AGBL1: variants seen among roughly 807,000 people sequenced by gnomAD.
The protein encoded by AGBL1 is AGBL carboxypeptidase 1.
In AGBL1, 130 loss-of-function variants were observed where a neutral mutation model predicts 118.9. That is an observed-to-expected ratio of 1.09 (90% confidence interval 0.95 to 1.26). The LOEUF is 1.26. AGBL1 is among the 50% of genes most tolerant of loss of function. The probability of loss-of-function intolerance (pLI) is 0.00; values close to 1 mark genes in which losing one functional copy is unlikely to be tolerated. For synonymous variants in AGBL1, 555 were observed against 478.9 expected, an observed-to-expected ratio of 1.16 and a Z score of -2.08; for missense variants, 1,584 against 1,298.1, an observed-to-expected ratio of 1.22 and a Z score of -3.38.
chr15:86,996,060 T>C (rs778516909), intron 24 of AGBL1, among the ~76,000 whole-genome samples: 7 of 152,166 alleles, frequency 4.6e-5, no homozygotes, highest in Non-Finnish European at 7.4e-5. Context: ...CAGCTTTGCA[T>C]TTTTTACAAA....
chr15:86,643,370 G>A (rs1014473646), intron 21 of AGBL1, among the ~76,000 whole-genome samples: 5 of 151,894 alleles, frequency 3.3e-5, no homozygotes, highest in African/African-American at 1.2e-4. Flanking sequence ...TAAAATGTTT[G>A]CCAACATTCT....
At chr15:86,288,355 C>T (rs1464096804) in intron 16 of AGBL1, among the ~76,000 whole-genome samples, 3 of 152,060 alleles carry the variant, frequency 2.0e-5, no homozygotes, top group Admixed American at 2.0e-4. Flanking sequence ...GAGACATTTC[C>T]ATTCTTCTTC....
chr15:86,666,508 G>A (rs181063928), intron 21 of AGBL1, among the ~76,000 whole-genome samples: 186 of 152,080 alleles, frequency 1.2e-3, no homozygotes, highest in African/African-American at 4.3e-3. Flanking sequence ...TAATATGTAT[G>A]ACTCATTTTT....
At chr15:86,387,753 C>T (rs761965902) in intron 17 of AGBL1, among the ~76,000 whole-genome samples, 19 of 152,200 alleles carry the variant, frequency 1.2e-4, no homozygotes, top group Non-Finnish European at 2.5e-4. Context: ...TCCCTGCTGT[C>T]CCCAAGAATC....
At chr15:86,771,876 G>A (rs1427987489) in intron 22 of AGBL1, among the ~76,000 whole-genome samples, 1 of 152,004 alleles carries the variant, frequency 6.6e-6, no homozygotes, top group Non-Finnish European at 1.5e-5. Context: ...TGCTGGATGG[G>A]GAAGTTGCCA....
chr15:86,894,360 G>A (rs1596602692), intron 22 of AGBL1, among the ~76,000 whole-genome samples: 1 of 152,282 alleles, frequency 6.6e-6, no homozygotes, highest in Non-Finnish European at 1.5e-5. Context: ...TATTGCTGAA[G>A]TTATTGTAAC....
At chr15:86,810,247 T>C (rs962352189) in intron 22 of AGBL1, among the ~76,000 whole-genome samples, 2 of 152,142 alleles carry the variant, frequency 1.3e-5, no homozygotes, top group South Asian at 2.1e-4. Context: ...TATAACCTTC[T>C]TGGGGGTTTG....
At chr15:87,016,595 A>AAAAG (rs1434695758) in intron 24 of AGBL1, among the ~76,000 whole-genome samples, 1 of 152,214 alleles carries the variant, frequency 6.6e-6, no homozygotes, top group East Asian at 1.9e-4. Flanking sequence ...TCATGGAGAG[A>AAAAG]AAAGAAAATG....
At chr15:86,561,956 G>T (rs1233710425) in intron 21 of AGBL1, among the ~76,000 whole-genome samples, 1 of 152,068 alleles carries the variant, frequency 6.6e-6, no homozygotes, top group Non-Finnish European at 1.5e-5. Context: ...CTCTCTGTTT[G>T]TCTGTTATTG....
intron 5 of AGBL1, among the ~76,000 whole-genome samples, chr15:86,220,272 G>A (rs2078260983): frequency 6.6e-6 from 1 of 152,012 alleles, no homozygotes; most frequent in Non-Finnish European, 1.5e-5. Flanking sequence ...CTTGCTAGCT[G>A]CTGAAACTTG....
chr15:86,409,747 A>G (rs145742044), intron 18 of AGBL1, among the ~76,000 whole-genome samples: 1 of 152,242 alleles, frequency 6.6e-6, no homozygotes, highest in African/African-American at 2.4e-5. Context: ...AGAATCATTG[A>G]TCAAGTTGGG....
intron 3 of AGBL1, among the ~76,000 whole-genome samples, chr15:86,153,448 G>C (rs1242971590): frequency 6.6e-6 from 1 of 152,026 alleles, no homozygotes; most frequent in Non-Finnish European, 1.5e-5. Flanking sequence ...ACTCGTAGGT[G>C]GGAATTGAAC....
At chr15:86,756,608 G>A (rs2077944632) in intron 22 of AGBL1, among the ~76,000 whole-genome samples, 1 of 152,100 alleles carries the variant, frequency 6.6e-6, no homozygotes, top group Non-Finnish European at 1.5e-5. Flanking sequence ...AAATGAAGAT[G>A]AGGAGTTCTG....
intron 22 of AGBL1, among the ~76,000 whole-genome samples, chr15:86,746,818 A>G (rs1488786203): frequency 6.6e-6 from 1 of 152,090 alleles, no homozygotes; most frequent in Middle Eastern, 3.2e-3. Context: ...GTAACTATGC[A>G]ACAACATAGG....
intron 23 of AGBL1, among the ~76,000 whole-genome samples, chr15:86,972,399 C>T (rs2081117358): frequency 6.6e-6 from 1 of 151,984 alleles, no homozygotes; most frequent in Non-Finnish European, 1.5e-5. Context: ...CCATTCCAGA[C>T]CAAGACATAG....
intron 22 of AGBL1, among the ~76,000 whole-genome samples, chr15:86,871,602 C>A (rs1038101939): frequency 6.6e-6 from 1 of 152,288 alleles, no homozygotes; most frequent in Admixed American, 6.5e-5. Context: ...AGATGGTTAA[C>A]TGCCTCATTG....
intron 22 of AGBL1, among the ~76,000 whole-genome samples, chr15:86,686,914 T>C (rs1357336124): frequency 6.6e-6 from 1 of 152,146 alleles, no homozygotes; most frequent in East Asian, 1.9e-4. Context: ...ACACAGCTAG[T>C]AAGTGATGAA....
chr15:86,806,896 T>C (rs1026529176), intron 22 of AGBL1, among the ~76,000 whole-genome samples: 1 of 152,018 alleles, frequency 6.6e-6, no homozygotes, highest in African/African-American at 2.4e-5. Flanking sequence ...ATACGTGATA[T>C]ACCACGTATC....
chr15:86,867,240 A>AT (rs1017918563), intron 22 of AGBL1, among the ~76,000 whole-genome samples: 1 of 151,934 alleles, frequency 6.6e-6, no homozygotes, highest in Non-Finnish European at 1.5e-5. Flanking sequence ...CTCAGCCCTC[A>AT]TTTTTTTTCT....
Sources: gnomAD v4.1 joint callset for allele counts (sites outside exome capture counted in the v4.1 genomes callset) on GRCh38, gnomAD v4.1.1 for gene constraint, MANE v1.5 for transcripts, NCBI Gene and HGNC (gene_info 2026-07-23, HGNC 2026-07-21) for gene names.